The following DNAH12 variants were observed in gnomAD, a reference collection of about 807,000 sequenced individuals.
DNAH12 encodes dynein axonemal heavy chain 12, also known as axonemal beta dynein heavy chain 12.
Under a neutral mutation model 371.5 loss-of-function variants are expected in DNAH12, and 285 were observed. The ratio of observed to expected loss-of-function variants is 0.77; its 90% CI spans 0.70 to 0.85. The LOEUF (loss-of-function observed/expected upper bound fraction) is 0.85, where lower values mean the gene tolerates loss of function less well. Among genes scored for constraint, DNAH12 ranks in the 40% least tolerant of loss-of-function variants. The probability of loss-of-function intolerance (pLI) is 0.00; values close to 1 mark genes in which losing one functional copy is unlikely to be tolerated. For synonymous variants in DNAH12, 1,200 were observed against 1,213.0 expected (o/e 0.99, Z 0.22); for missense variants, 3,611 against 3,689.4 (o/e 0.98, Z 0.55).
chr3:57,516,515 A>G (rs1201006709), intron 4 of DNAH12, among the ~76,000 whole-genome samples: 3 of 152,122 alleles, frequency 2.0e-5, no homozygotes, highest in African/African-American at 7.2e-5. Context: ...GTCGCCAATT[A>G]CCCTGCAAAA....
At chr3:57,439,695 A>G (rs2065245761) in intron 29 of DNAH12, among the ~76,000 whole-genome samples, 1 of 152,192 alleles carries the variant, frequency 6.6e-6, no homozygotes, top group South Asian at 2.1e-4. Flanking sequence ...AGTGGGACCT[A>G]TTTAAACTAC....
intron 44 of DNAH12, among the ~76,000 whole-genome samples, chr3:57,393,392 C>A (rs1413531978): frequency 6.6e-6 from 1 of 151,928 alleles, no homozygotes; most frequent in Non-Finnish European, 1.5e-5. Flanking sequence ...CTTTGGGGGG[C>A]CGAGGCAGGC....
At position 57,310,757 on chromosome 3, in the gene DNAH12, G is replaced by T; in HGVS notation, c.10856C>A (p.Pro3619His). The change falls in exon 67 of 74, where the codon CCT (proline) becomes CAT (histidine). Residue 3619 changes from proline to histidine, a missense_variant. Coordinates refer to ENST00000495027, the MANE Select transcript of DNAH12 (RefSeq NM_001366028.2). ...GTAGTCCTCATAAGTGCCTTTAGGA[G>T]GTGCAAAATAGTTTCCACTGGGAGA... ...KFSPSGNYFA[P>H]PKGTYEDYIE... is the part of the protein sequence containing the mutation. 6.4e-7 allele frequency: 1 copy of T among 1,551,584 alleles called. No individual in the cohort carries two copies. Among genetic ancestry groups the T allele is most frequent in the Non-Finnish European group, 8.7e-7 (1 of 1,146,940 alleles).
At chr3:57,459,501 A>T in intron 20 of DNAH12, 91 bp downstream of exon 20, 1 of 1,226,558 alleles carries the variant, frequency 8.2e-7, no homozygotes. Context: ...GAGCAAGTTT[A>T]ATTTTTATAA....
At chr3:57,512,837 A>G (rs1238768788) in intron 4 of DNAH12, among the ~76,000 whole-genome samples, 1 of 152,282 alleles carries the variant, frequency 6.6e-6, no homozygotes, top group Non-Finnish European at 1.5e-5. Context: ...GATAGACTGG[A>G]TAAATAAAAT....
intron 59 of DNAH12, among the ~76,000 whole-genome samples, chr3:57,352,700 A>G (rs2062708216): frequency 6.6e-6 from 1 of 152,114 alleles, no homozygotes; most frequent in Non-Finnish European, 1.5e-5. Flanking sequence ...GTAAGGCTCT[A>G]TGGTAGGGAG....
At chr3:57,547,878 T>G (rs1356805769), upstream of DNAH12, among the ~76,000 whole-genome samples, 1 of 152,208 alleles carries the variant, frequency 6.6e-6, no homozygotes, top group Non-Finnish European at 1.5e-5. Flanking sequence ...CAGTCCAACT[T>G]AATAATCAAC....
Position 57,387,622 on chromosome 3 carries a change from AC to A in DNAH12, c.7306-404del, listed in dbSNP as rs1218545578. Reference sequence around the variant, plus strand: ...CCAATTTTATTCTAGATAGCAATATACCCAGCTAAAAGACTAAATCTCCTAG... The same window carrying A: ...CCAATTTTATTCTAGATAGCAATATACCAGCTAAAAGACTAAATCTCCTAG... On this transcript the variant is annotated intron_variant, in intron 45 of 73. Transcript: ENST00000495027. Among the ~76,000 whole-genome samples the A allele has an allele frequency of 2.5e-3, 384 of 152,234 alleles. 3 individuals carry two copies. Among genetic ancestry groups the A allele is most frequent in the African/African-American group, 8.9e-3 (371 of 41,540 alleles).
At chr3:57,475,896 C>A (rs1230020862) in intron 13 of DNAH12, among the ~76,000 whole-genome samples, 1 of 152,120 alleles carries the variant, frequency 6.6e-6, no homozygotes, top group Non-Finnish European at 1.5e-5. Context: ...TGAATAAAAG[C>A]ATATCTTATA....
chr3:57,440,855 T>C (rs1213545192), intron 29 of DNAH12, among the ~76,000 whole-genome samples: 3 of 152,066 alleles, frequency 2.0e-5, no homozygotes, highest in African/African-American at 7.2e-5. Context: ...CCAGGTGTGG[T>C]GGTACATTCC....
At chr3:57,352,983 G>A (rs913095799) in intron 59 of DNAH12, among the ~76,000 whole-genome samples, 1 of 152,046 alleles carries the variant, frequency 6.6e-6, no homozygotes, top group Admixed American at 6.6e-5. Flanking sequence ...CAGCTACGAG[G>A]GAGGCTGAGG....
chr3:57,542,436 T>C (rs1559767782), intron 2 of DNAH12, among the ~76,000 whole-genome samples: 2 of 152,198 alleles, frequency 1.3e-5, no homozygotes, highest in Non-Finnish European at 2.9e-5. Context: ...TACCTCAGTA[T>C]ACTCATCTAA....
chr3:57,397,889 G>A (rs1045834322), intron 43 of DNAH12, among the ~76,000 whole-genome samples: 3 of 151,928 alleles, frequency 2.0e-5, no homozygotes, highest in Non-Finnish European at 4.4e-5. Context: ...AAGATCACAA[G>A]GGATGCAAAG....
intron 29 of DNAH12, among the ~76,000 whole-genome samples, chr3:57,439,060 T>C (rs1009701550): frequency 6.6e-6 from 1 of 151,820 alleles, no homozygotes; most frequent in African/African-American, 2.4e-5. Flanking sequence ...AAATCATAGA[T>C]GACACAAATG....
chr3:57,393,562 G>C (rs2063670749), intron 44 of DNAH12, among the ~76,000 whole-genome samples: 2 of 143,572 alleles, frequency 1.4e-5, no homozygotes, highest in South Asian at 4.7e-4. Flanking sequence ...GGAGGCGGAG[G>C]TTGCAGTGAG....
In DNAH12 at chr3:57,390,424, A is replaced by AAAAAAAAAAAAAATATAT; in HGVS notation, c.7305+1447_7305+1448insATATATTTTTTTTTTTTT. On this transcript the variant is annotated intron_variant, in intron 45 of 73. Transcript: ENST00000495027. ...ATCCTGTCTCAAAAAAAAAAAAAAAAATATATATATATATATATATATATA... is the reference window on the plus strand; with the variant it reads ...ATCCTGTCTCAAAAAAAAAAAAAAAAAAAAAAAAAAAAATATATATATATATATATATATATATATATA... 6.6e-4 allele frequency among the ~76,000 whole-genome samples: 22 copies of AAAAAAAAAAAAAATATAT among 33,428 alleles called. 1 individual carries two copies. The highest frequency in any genetic ancestry group is 1.4e-3 in the African/African-American group (22 of 15,858). The allele number at this position is 33,428 out of a possible 152,430, so 21.9% of individuals were successfully genotyped here.
At chr3:57,547,246 T>C (rs572764818), upstream of DNAH12, among the ~76,000 whole-genome samples, 1 of 151,562 alleles carries the variant, frequency 6.6e-6, no homozygotes, top group Non-Finnish European at 1.5e-5. Flanking sequence ...ATAGATGATA[T>C]GTATTATATC....
Position 57,487,919 on chromosome 3 carries a change from T to C in DNAH12, c.1514+1590A>G, listed in dbSNP as rs1044760394. ...GGTTTTTTTTAACTAACTATGGCAT[T>C]GTCATTGTTGTTACTCATCAGGATG... is the stretch of plus-strand genomic sequence containing the variant. On this transcript the variant is annotated intron_variant, in intron 12 of 73. Coordinates refer to ENST00000495027, the MANE Select transcript of DNAH12 (RefSeq NM_001366028.2). Among the ~76,000 whole-genome samples, 9 of 152,094 alleles carry C rather than the reference T, an allele frequency of 5.9e-5. 1 individual carries two copies. The highest frequency in any genetic ancestry group is 2.2e-4 in the African/African-American group (9 of 41,412).
At chr3:57,324,697 T>C (rs1200043982) in intron 62 of DNAH12, among the ~76,000 whole-genome samples, 1 of 152,168 alleles carries the variant, frequency 6.6e-6, no homozygotes, top group Non-Finnish European at 1.5e-5. Flanking sequence ...TTCATCTCAC[T>C]AGGGAGTGCC....
Sources: gnomAD v4.1 joint callset for allele counts (sites outside exome capture counted in the v4.1 genomes callset) on GRCh38, gnomAD v4.1.1 for gene constraint, MANE v1.5 for transcripts, NCBI Gene and HGNC (gene_info 2026-07-23, HGNC 2026-07-21) for gene names.